The following BCKDHB variants were observed in gnomAD, a reference collection of about 807,000 sequenced individuals.
BCKDHB encodes the protein 2-oxoisovalerate dehydrogenase subunit beta, mitochondrial.
Under a neutral mutation model 48.5 loss-of-function variants are expected in BCKDHB, and 41 were observed. That is an observed-to-expected ratio of 0.85 (90% confidence interval 0.66 to 1.10). The LOEUF (loss-of-function observed/expected upper bound fraction) is 1.10, where lower values mean the gene tolerates loss of function less well. Among genes scored for constraint, BCKDHB ranks in the 50% least tolerant of loss-of-function variants. The probability of loss-of-function intolerance (pLI) is 0.00; values close to 1 mark genes in which losing one functional copy is unlikely to be tolerated. For synonymous variants in BCKDHB, 201 were observed against 174.8 expected (o/e 1.15, Z -1.18); for missense variants, 496 against 494.2 (o/e 1.00, Z -0.03).
At chr6:80,411,616 C>T in the BCKDHB span, among the ~76,000 whole-genome samples, 1 of 152,250 alleles carries the variant, frequency 6.6e-6, no homozygotes, top group Non-Finnish European at 1.5e-5. Flanking sequence ...GTGTTGGGCT[C>T]TGCCCAGTTC....
chr6:80,463,661 T>C, the BCKDHB span, among the ~76,000 whole-genome samples: 58 of 152,270 alleles, frequency 3.8e-4, no homozygotes, highest in African/African-American at 1.3e-3. Context: ...TTCCTATCCA[T>C]AACTAATAGA....
At chr6:80,118,340 C>G (rs1453488842) in intron 1 of BCKDHB, among the ~76,000 whole-genome samples, 1 of 152,124 alleles carries the variant, frequency 6.6e-6, no homozygotes, top group Non-Finnish European at 1.5e-5. Context: ...AGCATTATAT[C>G]TAAAAGATCA....
chr6:80,438,463 C>T, the BCKDHB span, among the ~76,000 whole-genome samples: 1 of 152,064 alleles, frequency 6.6e-6, no homozygotes, highest in African/African-American at 2.4e-5. Flanking sequence ...TTCTGTAAGA[C>T]AGATTTCACT....
chr6:80,179,076 G>A (rs1240824950), intron 6 of BCKDHB, among the ~76,000 whole-genome samples: 1 of 152,092 alleles, frequency 6.6e-6, no homozygotes, highest in Non-Finnish European at 1.5e-5. Flanking sequence ...AGGATGGAGT[G>A]CAGTTGTGTG....
At chr6:80,158,588 C>G (rs1370065166) in intron 3 of BCKDHB, among the ~76,000 whole-genome samples, 1 of 152,118 alleles carries the variant, frequency 6.6e-6, no homozygotes, top group Non-Finnish European at 1.5e-5. Context: ...GATGCAAGAC[C>G]AATGACAGCC....
chr6:80,413,546 T>C, the BCKDHB span, among the ~76,000 whole-genome samples: 1 of 152,214 alleles, frequency 6.6e-6, no homozygotes, highest in East Asian at 1.9e-4. Context: ...TGAGAATATA[T>C]GGTATTTGGA....
chr6:80,388,491 C>T, the BCKDHB span, among the ~76,000 whole-genome samples: 2 of 152,170 alleles, frequency 1.3e-5, no homozygotes, highest in East Asian at 1.9e-4. Flanking sequence ...CTCCATGTGA[C>T]CTGAACTGCC....
At chr6:80,125,217 A>G (rs1478823163) in intron 1 of BCKDHB, among the ~76,000 whole-genome samples, 1 of 152,146 alleles carries the variant, frequency 6.6e-6, no homozygotes, top group Non-Finnish European at 1.5e-5. Context: ...TCATGAACCA[A>G]GCTCTGCTAT....
the BCKDHB span, among the ~76,000 whole-genome samples, chr6:80,363,340 G>T: frequency 2.0e-5 from 3 of 152,106 alleles, no homozygotes; most frequent in Non-Finnish European, 4.4e-5. Flanking sequence ...TTTCTGAAAC[G>T]ACTGAGATTA....
At chr6:80,384,950 T>C in the BCKDHB span, among the ~76,000 whole-genome samples, 3 of 152,328 alleles carry the variant, frequency 2.0e-5, no homozygotes, top group South Asian at 4.1e-4. Context: ...TCTAATAGTA[T>C]GGAGAACACT....
At chr6:80,163,949 T>G (rs560510088) in intron 3 of BCKDHB, among the ~76,000 whole-genome samples, 6 of 152,304 alleles carry the variant, frequency 3.9e-5, no homozygotes, top group Non-Finnish European at 8.8e-5. Context: ...TTCTCCACCT[T>G]CTCTGCTATT....
chr6:80,200,654 A>G (rs890040632), intron 6 of BCKDHB, among the ~76,000 whole-genome samples: 6 of 152,150 alleles, frequency 3.9e-5, no homozygotes, highest in Non-Finnish European at 8.8e-5. Context: ...ATTCTTATTG[A>G]CTAATGTTCC....
chr6:80,274,332 C>G (rs1162627093), intron 9 of BCKDHB, among the ~76,000 whole-genome samples: 1 of 151,772 alleles, frequency 6.6e-6, no homozygotes, highest in Non-Finnish European at 1.5e-5. Flanking sequence ...GTAAGAAAAG[C>G]AAATATTTGA....
At chr6:80,439,829 G>T in the BCKDHB span, among the ~76,000 whole-genome samples, 551 of 152,312 alleles carry the variant, frequency 3.6e-3, 1 homozygote, top group Admixed American at 5.9e-3. Context: ...ACTTAAGTCT[G>T]TACTAGAAGA....
intron 8 of BCKDHB, among the ~76,000 whole-genome samples, chr6:80,220,080 C>CT (rs1562147691): frequency 1.3e-5 from 2 of 151,610 alleles, no homozygotes; most frequent in Non-Finnish European, 1.5e-5. Context: ...TATATTCTTT[C>CT]TTTTTTTTGT....
intron 8 of BCKDHB, among the ~76,000 whole-genome samples, chr6:80,269,047 C>T (rs529767692): frequency 2.0e-5 from 3 of 152,152 alleles, no homozygotes; most frequent in East Asian, 1.9e-4. Flanking sequence ...TAAAGTTAAA[C>T]GATTTGTTTT....
chr6:80,328,474 A>G (rs985672609), intron 9 of BCKDHB, among the ~76,000 whole-genome samples: 1 of 152,200 alleles, frequency 6.6e-6, no homozygotes, highest in Non-Finnish European at 1.5e-5. Context: ...GTCATTCTTT[A>G]GTTTTTCCCA....
chr6:80,409,125 T>G, the BCKDHB span, among the ~76,000 whole-genome samples: 1 of 152,158 alleles, frequency 6.6e-6, no homozygotes, highest in African/African-American at 2.4e-5. Context: ...TTCATTTCAT[T>G]ATTTACCCAT....
chr6:80,341,105 C>T (rs757036116), intron 9 of BCKDHB, among the ~76,000 whole-genome samples: 2 of 152,124 alleles, frequency 1.3e-5, no homozygotes, highest in Non-Finnish European at 2.9e-5. Flanking sequence ...CTTAAAAAGA[C>T]TGATATCCTA....
Sources: allele counts gnomAD v4.1 joint callset (sites outside exome capture counted in the v4.1 genomes callset), GRCh38; gene constraint gnomAD v4.1.1; transcripts MANE v1.5; gene names NCBI Gene and HGNC (gene_info 2026-07-23, HGNC 2026-07-21).